Variants in GPD1L observed in about 807,000 individuals in gnomAD.
GPD1L encodes glycerol-3-phosphate dehydrogenase 1-like protein.
GPD1L carries 17 observed loss-of-function variants against 32.9 expected under a neutral mutation model. The observed-to-expected ratio is 0.52, with a 90% CI of 0.35 to 0.78. The LOEUF (loss-of-function observed/expected upper bound fraction) is 0.78, where lower values mean the gene tolerates loss of function less well. Among genes scored for constraint, GPD1L ranks in the 30% least tolerant of loss-of-function variants. The pLI is 0.01. For missense variants in GPD1L, 361 were observed against 447.8 expected (o/e 0.81, Z 1.75); for synonymous variants, 187 against 165.9 (o/e 1.13, Z -0.98).
intron 1 of GPD1L, among the ~76,000 whole-genome samples, chr3:32,110,991 GA>G (rs1559567020): frequency 6.6e-6 from 1 of 152,212 alleles, no homozygotes; most frequent in East Asian, 1.9e-4. Flanking sequence ...TCCGCCTTCT[GA>G]GTAGCTGGGA....
At chr3:32,161,801 C>T (rs1396983474) in intron 7 of GPD1L, among the ~76,000 whole-genome samples, 2 of 152,180 alleles carry the variant, frequency 1.3e-5, no homozygotes, top group Non-Finnish European at 2.9e-5. Flanking sequence ...TGAACAGGCT[C>T]CACCTGTGCT....
intron 2 of GPD1L, among the ~76,000 whole-genome samples, chr3:32,130,730 G>C (rs1700576575): frequency 6.9e-6 from 1 of 145,224 alleles, no homozygotes; most frequent in Admixed American, 8.1e-5. Context: ...CAGCACTTTG[G>C]GACCGAGCGC....
rs1380603067 is a variant in GPD1L at position 32,137,002 on chromosome 3, G to A, written c.226-1585G>A. ...GGACTGCTGGGAAACACAGTCCCTGGCTAGATGACTAGCGACCAGCTTACA... is the reference window on the plus strand; with the variant it reads ...GGACTGCTGGGAAACACAGTCCCTGACTAGATGACTAGCGACCAGCTTACA... On this transcript the variant is annotated intron_variant, in intron 2 of 7. Transcript: ENST00000282541. Among the ~76,000 whole-genome samples, 4 of 152,266 alleles carry A rather than the reference G, an allele frequency of 2.6e-5. No homozygotes were observed. The East Asian group carries it at 7.7e-4, about 29-fold the overall frequency.
Position 32,119,083 on chromosome 3 carries a change from A to T in GPD1L, c.48-8993A>T, listed in dbSNP as rs1033343398. ...ATAGTGTTGCTATGAACATGGGTGT[A>T]CAAATACCTCTTTGAGACCCTGCTT... is the stretch of plus-strand genomic sequence containing the variant. On this transcript the variant is annotated intron_variant, in intron 1 of 7. Transcript: ENST00000282541. Among the ~76,000 whole-genome samples, 15 of 152,332 alleles carry T rather than the reference A, an allele frequency of 9.8e-5. 1 individual carries two copies. The highest frequency in any genetic ancestry group is 3.4e-4 in the African/African-American group (14 of 41,588).
At chr3:32,124,152 G>A (rs763891536) in intron 1 of GPD1L, among the ~76,000 whole-genome samples, 7 of 151,804 alleles carry the variant, frequency 4.6e-5, no homozygotes, top group Middle Eastern at 3.2e-3. Context: ...TGCAACCTCC[G>A]CCTCCTGAGT....
In GPD1L at chr3:32,158,890, G is replaced by A; in HGVS notation, c.633G>A (p.Val211=). 1.9e-6 allele frequency: 3 copies of A among 1,614,010 alleles called. No individual in the cohort carries two copies. The South Asian group carries it at 3.3e-5, about 18-fold the overall frequency. The change falls in exon 6 of 8, where the codon GTG becomes GTA. Residue 211 remains valine (V), a synonymous_variant. Transcript: ENST00000282541. ...LCGALKNIVA[V]GAGFCDGLRC... The stretch of plus-strand genomic sequence containing the variant: ...CTCCTTTGCAGAACATCGTAGCTGT[G>A]GGAGCTGGGTTCTGCGACGGCCTCC...
intron 1 of GPD1L, among the ~76,000 whole-genome samples, chr3:32,125,823 T>A (rs992655105): frequency 6.6e-5 from 10 of 152,182 alleles, no homozygotes; most frequent in Non-Finnish European, 1.3e-4. Context: ...CAGTAAATAT[T>A]TGATGACTGA....
intron 5 of GPD1L, among the ~76,000 whole-genome samples, chr3:32,150,882 G>A (rs1400712204): frequency 6.6e-6 from 1 of 152,076 alleles, no homozygotes; most frequent in Non-Finnish European, 1.5e-5. Flanking sequence ...TTGAGTCCAC[G>A]AGTTCAAGAC....
intron 5 of GPD1L, among the ~76,000 whole-genome samples, chr3:32,153,540 G>C (rs1700948780): frequency 6.6e-6 from 1 of 152,208 alleles, no homozygotes; most frequent in Non-Finnish European, 1.5e-5. Context: ...GCCTGCCTCA[G>C]CCTTCCTTGA....
chr3:32,140,083 T>C (rs1317075740), intron 3 of GPD1L, 145 bp from the exon 4 acceptor site: 2 of 821,924 alleles, frequency 2.4e-6, no homozygotes, highest in East Asian at 4.9e-5. Context: ...TTGATTCTTC[T>C]TTAAGCTGTA....
chr3:32,152,013 C>A (rs1015921276), intron 5 of GPD1L: 1 of 152,350 alleles, frequency 6.6e-6, no homozygotes, highest in African/African-American at 2.4e-5. Flanking sequence ...GGTTGAGTAT[C>A]TCTTATCTAA....
At chr3:32,163,898 T>G (rs1171393973) in intron 7 of GPD1L, among the ~76,000 whole-genome samples, 1 of 152,242 alleles carries the variant, frequency 6.6e-6, no homozygotes, top group Non-Finnish European at 1.5e-5. Flanking sequence ...GTTGGCCCAG[T>G]GGCTCTGGCT....
intron 1 of GPD1L, among the ~76,000 whole-genome samples, chr3:32,122,595 C>G (rs1281645469): frequency 1.3e-5 from 2 of 152,112 alleles, no homozygotes; most frequent in East Asian, 1.9e-4. Context: ...TGTAAAGACC[C>G]AGGACTGGCC....
chr3:32,122,929 G>A (rs1453709228), intron 1 of GPD1L, among the ~76,000 whole-genome samples: 4 of 152,128 alleles, frequency 2.6e-5, no homozygotes, highest in Non-Finnish European at 5.9e-5. Context: ...TTTGGAGACA[G>A]GGTTGTGTGC....
chr3:32,165,750 T>C (rs1269829460), intron 7 of GPD1L, 64 bp from the exon 8 acceptor site: 1 of 855,882 alleles, frequency 1.2e-6, no homozygotes. Context: ...ACAGAAAACC[T>C]AACTTATTCT....
chr3:32,121,772 T>A (rs921351817), intron 1 of GPD1L, among the ~76,000 whole-genome samples: 2 of 140,000 alleles, frequency 1.4e-5, no homozygotes, highest in Admixed American at 8.1e-5. Flanking sequence ...TATTTCTATA[T>A]ATATATATAT....
At chr3:32,153,935 T>C (rs7612264) in intron 5 of GPD1L, among the ~76,000 whole-genome samples, 87,194 of 152,004 alleles carry the variant, frequency 0.57, 27,706 homozygotes, top group East Asian at 0.86. Flanking sequence ...AAGAGCTACA[T>C]ACGTCTGTTT....
chr3:32,160,443 A>C (rs1177568492), intron 7 of GPD1L, among the ~76,000 whole-genome samples: 1 of 21,626 alleles, frequency 4.6e-5, no homozygotes, highest in Non-Finnish European at 7.4e-5. Context: ...GAATGGATGG[A>C]TGATGGGTGG....
intron 1 of GPD1L, among the ~76,000 whole-genome samples, chr3:32,117,618 A>T (rs1446457094): frequency 2.6e-5 from 4 of 152,176 alleles, no homozygotes; most frequent in African/African-American, 9.7e-5. Flanking sequence ...GGCTGTTAGA[A>T]TTTGCACTGC....
Sources: gnomAD v4.1 joint callset for allele counts (sites outside exome capture counted in the v4.1 genomes callset) on GRCh38, gnomAD v4.1.1 for gene constraint, MANE v1.5 for transcripts, NCBI Gene and HGNC (gene_info 2026-07-23, HGNC 2026-07-21) for gene names.